Variants in NOTCH2 observed in about 807,000 individuals in gnomAD.
NOTCH2 encodes neurogenic locus notch homolog protein 2.
NOTCH2 carries 29 observed loss-of-function variants against 235.8 expected under a neutral mutation model. The ratio of observed to expected loss-of-function variants is 0.12; its 90% CI spans 0.09 to 0.17. The LOEUF (loss-of-function observed/expected upper bound fraction) is 0.17. NOTCH2 is among the 10% of genes least tolerant of loss of function. The pLI is 1.00. For missense variants in NOTCH2, 2,285 were observed against 3,150.2 expected (o/e 0.73, Z 6.57); for synonymous variants, 1,086 against 1,141.5 (o/e 0.95, Z 0.98).
chr1:119,938,221 T>G (rs1649931289), intron 19 of NOTCH2, among the ~76,000 whole-genome samples: 1 of 152,292 alleles, frequency 6.6e-6, no homozygotes, highest in South Asian at 2.1e-4. Flanking sequence ...CTTAATGTCA[T>G]CATTAGGTTC....
At chr1:119,959,347 A>C (rs1650849163) in intron 12 of NOTCH2, 45 bp downstream of exon 12, 2 of 1,028,374 alleles carry the variant, frequency 1.9e-6, no homozygotes, top group East Asian at 4.7e-5. Flanking sequence ...ATATTCCCAA[A>C]GTGATAGGGC....
intron 1 of NOTCH2, among the ~76,000 whole-genome samples, chr1:120,053,543 C>A (rs1553214793): frequency 9.5e-6 from 1 of 105,670 alleles, no homozygotes; most frequent in Admixed American, 9.3e-5. Flanking sequence ...AGGTACAAGA[C>A]ACTACAAACT....
intron 8 of NOTCH2, among the ~76,000 whole-genome samples, chr1:119,967,046 T>G (rs1232161416): frequency 6.6e-6 from 1 of 152,190 alleles, no homozygotes; most frequent in African/African-American, 2.4e-5. Context: ...TTTAGATAAA[T>G]GGAAACTTCC....
At chr1:119,948,954 T>A (rs1315506044) in intron 16 of NOTCH2, 53 bp downstream of exon 16, 68 of 1,613,014 alleles carry the variant, frequency 4.2e-5, no homozygotes, top group Non-Finnish European at 5.7e-5. Flanking sequence ...ACCTGACCAC[T>A]TTGTTTAAAG....
chr1:119,965,410 C>T, intron 10 of NOTCH2, 43 bp downstream of exon 10: 1 of 1,450,988 alleles, frequency 6.9e-7, no homozygotes, highest in Non-Finnish European at 9.7e-7. Context: ...CTATTTTGTT[C>T]AGATGGACCT....
At chr1:120,009,317 A>G (rs327199) in intron 2 of NOTCH2, among the ~76,000 whole-genome samples, 39,586 of 145,212 alleles carry the variant, frequency 0.27, 8,649 homozygotes, top group African/African-American at 0.63. Flanking sequence ...CCTAAAGCCC[A>G]TGTACAGAAC....
intron 3 of NOTCH2, among the ~76,000 whole-genome samples, chr1:120,001,720 A>G (rs1428713299): frequency 6.6e-6 from 1 of 152,164 alleles, no homozygotes; most frequent in Non-Finnish European, 1.5e-5. Context: ...CCTGCATGCA[A>G]TGGTTCTGCC....
In NOTCH2 at chr1:119,915,548, A is replaced by C. The variant is rs778456880; in HGVS notation, c.7174T>G (p.Tyr2392Asp). ...KYPTPPSQHS[Y>D]ASSNAAERTP... ...CGCTCAGCAGCATTTGAGGAAGCAT[A>C]ACTGTGCTGTGAAGGGGGTGTGGGG... The change falls in exon 34 of 34, where the codon TAT becomes GAT. Residue 2392 changes from tyrosine to aspartate, a missense_variant. Tyr to Asp is a radical substitution (Grantham distance 160, BLOSUM62 -3). This residue lies in a region of NOTCH2 where 504 missense variants were observed against 538.0 expected (regional missense o/e 0.94). Coordinates refer to ENST00000256646, the MANE Select transcript of NOTCH2 (RefSeq NM_024408.4). 6.2e-7 allele frequency: 1 copy of C among 1,614,056 alleles called. No individual in the cohort carries two copies. The highest frequency in any genetic ancestry group is 8.5e-7 in the Non-Finnish European group (1 of 1,180,040).
chr1:119,959,089 A>G lies in NOTCH2; in HGVS notation c.2026+303T>C, dbSNP rs17024564. On this transcript the variant is annotated intron_variant, in intron 12 of 33. Transcript: ENST00000256646. Reference sequence around the variant, plus strand: ...AAGGCCTTGACTACTACCTGTAATCAATAAACATAGCTTTGGAAGCAATGT... The same window carrying G: ...AAGGCCTTGACTACTACCTGTAATCGATAAACATAGCTTTGGAAGCAATGT... 0.048 allele frequency among the ~76,000 whole-genome samples: 7,316 copies of G among 152,270 alleles called. 281 individuals carry two copies. The highest frequency in any genetic ancestry group is 0.11 in the South Asian group (509 of 4,826).
Position 119,926,502 on chromosome 1 carries a change from G to C in NOTCH2, c.4002C>G (p.Pro1334=), listed in dbSNP as rs1390174762. 1.9e-6 allele frequency: 3 copies of C among 1,598,508 alleles called. No homozygotes were observed. The African/African-American group carries it at 4.0e-5, about 21-fold the overall frequency. The change falls in exon 24 of 34, where the codon CCC becomes CCG. Residue 1334 remains proline, a synonymous_variant. Transcript: ENST00000256646. ...AGATGAGCAACAGGGCACTTACCGG[G>C]GGACAACGGCAAATGAAACCATCAG... ...NMPDGFICRC[P]PGFSGARCQS...
At chr1:120,017,897 C>T (rs1653510508) in intron 2 of NOTCH2, among the ~76,000 whole-genome samples, 1 of 151,642 alleles carries the variant, frequency 6.6e-6, no homozygotes, top group African/African-American at 2.4e-5. Context: ...CCACCAGGGA[C>T]CTGGAGCCCT....
At chr1:119,919,279 T>C in intron 31 of NOTCH2, 33 bp downstream of exon 31, 1 of 1,577,692 alleles carries the variant, frequency 6.3e-7, no homozygotes, top group Non-Finnish European at 8.7e-7. Flanking sequence ...CCATAGGAAT[T>C]ATTATTCAAG....
chr1:120,063,607 C>A (rs1570798854), intron 1 of NOTCH2, among the ~76,000 whole-genome samples: 1 of 152,162 alleles, frequency 6.6e-6, no homozygotes, highest in South Asian at 2.1e-4. Flanking sequence ...CTAAGTGAGG[C>A]CAGCAAGTAG....
intron 22 of NOTCH2, 64 bp from the exon 23 acceptor site, chr1:119,929,276 T>C: frequency 7.5e-7 from 1 of 1,324,780 alleles, no homozygotes; most frequent in African/African-American, 1.4e-5. Flanking sequence ...CAGCAAGGGA[T>C]AACCACCCTT....
chr1:120,014,557 T>C (rs2101273765), intron 2 of NOTCH2, among the ~76,000 whole-genome samples: 1 of 135,362 alleles, frequency 7.4e-6, no homozygotes, highest in South Asian at 2.4e-4. Flanking sequence ...TAGAAAACAT[T>C]CCATTTGAAG....
rs1434342746 is a variant in NOTCH2, at chr1:119,914,649, A to G, written c.*657T>C. The G allele has an allele frequency of 4.2e-6, 1 of 239,482 alleles. No homozygotes were observed. 14.8% of individuals were successfully genotyped at this position (239,482 alleles called of 1,614,324 possible). A position where few individuals can be genotyped will look rare whatever the true frequency, so the allele number is the denominator to read the frequency against. ...TATGTCCATTTTCCAAAGAAACAAC[A>G]TACTTGAAAGGTTTGTGCTGAGAAC... On this transcript the variant is annotated 3_prime_UTR_variant, in exon 34 of 34. Transcript: ENST00000256646.
At chr1:119,964,881 G>T (rs1651076193) in intron 10 of NOTCH2, among the ~76,000 whole-genome samples, 1 of 152,218 alleles carries the variant, frequency 6.6e-6, no homozygotes, top group Non-Finnish European at 1.5e-5. Flanking sequence ...TACAAACCCA[G>T]AAATGCAGAA....
intron 2 of NOTCH2, among the ~76,000 whole-genome samples, chr1:120,006,109 G>A (rs1390833556): frequency 6.6e-5 from 10 of 152,250 alleles, no homozygotes; most frequent in Admixed American, 2.6e-4. Context: ...AATAGTAAGC[G>A]CTTCTTTCTC....
At chr1:119,951,178 TCTCA>T (rs1553197766) in intron 14 of NOTCH2, among the ~76,000 whole-genome samples, 1 of 152,072 alleles carries the variant, frequency 6.6e-6, no homozygotes, top group South Asian at 2.1e-4. Flanking sequence ...AGACAGGGGG[TCTCA>T]CTCTTGTCAT....
Sources: allele counts gnomAD v4.1 joint callset (sites outside exome capture counted in the v4.1 genomes callset), GRCh38; gene constraint gnomAD v4.1.1; regional missense constraint gnomAD v4.1.1; transcripts MANE v1.5; gene names NCBI Gene and HGNC (gene_info 2026-07-23, HGNC 2026-07-21).